Variants in KCNQ1 observed in about 807,000 individuals in gnomAD.
The protein encoded by KCNQ1 is potassium voltage-gated channel subfamily KQT member 1.
KCNQ1 carries 49 observed loss-of-function variants against 72.4 expected under a neutral mutation model. That is an observed-to-expected ratio of 0.68 (90% CI 0.54 to 0.86). The LOEUF (loss-of-function observed/expected upper bound fraction) is 0.86. KCNQ1 is among the 40% of genes least tolerant of loss of function. The pLI is 0.00. For synonymous variants in KCNQ1, 450 were observed against 412.6 expected (o/e 1.09, Z -1.10); for missense variants, 790 against 945.1 (o/e 0.84, Z 2.15).
rs536150780 is a variant in KCNQ1 at position 2,565,076 on chromosome 11, C to G, written c.478-5552C>G. On this transcript the variant is annotated intron_variant, in intron 2 of 15. Coordinates refer to ENST00000155840, the MANE Select transcript of KCNQ1 (RefSeq NM_000218.3). This position sits in a 1 kb window ranked among gnomAD's most constrained non-coding sequence, Gnocchi z 5.6. ...GTGTATGGATCTCCTTTAAAGAGAC[C>G]GGGGACAGACTCCAAAGTGGAATTG... is the stretch of plus-strand genomic sequence containing the variant. Among the ~76,000 whole-genome samples, 9 of 152,202 alleles carry G rather than the reference C, an allele frequency of 5.9e-5. No individual in the cohort carries two copies. The South Asian group carries it at 1.9e-3, about 32-fold the overall frequency.
chr11:2,628,144 A>G, intron 10 of KCNQ1: 1 of 398,592 alleles, frequency 2.5e-6, no homozygotes, highest in Non-Finnish European at 4.4e-6. Context: ...TTTTCCTTAG[A>G]TATACCCGGA....
rs1439505269 is a variant in KCNQ1, at chr11:2,678,482, CATTTA to C, written c.1514+16406_1514+16410del. 7.5e-5 allele frequency: 30 copies of C among 398,472 alleles called. No individual in the cohort carries two copies. The highest frequency in any genetic ancestry group is 4.5e-4 in the African/African-American group (22 of 48,626). The allele number at this position is 398,472 out of a possible 1,614,324, so 24.7% of individuals were successfully genotyped here. The stretch of plus-strand genomic sequence containing the variant: ...CTACCTTTATCATATTTCAAACTCT[CATTTA>C]ATTTGTGTCCATTTCTAGACTCTAT... On this transcript the variant is annotated intron_variant, in intron 11 of 15. Coordinates refer to ENST00000155840, the MANE Select transcript of KCNQ1 (RefSeq NM_000218.3). This position sits in a 1 kb window ranked among gnomAD's most constrained non-coding sequence, Gnocchi z 4.9.
In KCNQ1 at chr11:2,599,564, A is replaced by G. The variant is rs1848772889; in HGVS notation, c.1393+10710A>G. 6.6e-6 allele frequency among the ~76,000 whole-genome samples: 1 copy of G among 152,262 alleles called. No individual in the cohort carries two copies. The highest frequency in any genetic ancestry group is 2.4e-5 in the African/African-American group (1 of 41,476). ...GATGTATTAGTTTGCTAGGACTGCC[A>G]TAACAAAATACCACAGGCTGGGTGG... On this transcript the variant is annotated intron_variant, in intron 10 of 15. Coordinates refer to ENST00000155840, the MANE Select transcript of KCNQ1 (RefSeq NM_000218.3). The surrounding 1 kb of genome is among the most constrained non-coding windows in gnomAD (Gnocchi z 4.7).
chr11:2,504,233 A>G (rs1213500504), intron 1 of KCNQ1, among the ~76,000 whole-genome samples: 1 of 152,246 alleles, frequency 6.6e-6, no homozygotes, highest in Non-Finnish European at 1.5e-5. Context: ...AGGCACAGAA[A>G]GACAAACTTT....
chr11:2,459,171 G>GA (rs1429632892), intron 1 of KCNQ1, among the ~76,000 whole-genome samples: 1 of 152,198 alleles, frequency 6.6e-6, no homozygotes, highest in Non-Finnish European at 1.5e-5. Context: ...ACTGCAAAAC[G>GA]AGAGACGGAC....
intron 11 of KCNQ1, among the ~76,000 whole-genome samples, chr11:2,753,920 T>C (rs1378207769): frequency 6.6e-6 from 1 of 152,222 alleles, no homozygotes; most frequent in African/African-American, 2.4e-5. Context: ...ATTGTATATC[T>C]GATAAGGGAT....
intron 10 of KCNQ1, chr11:2,633,341 T>C (rs569465911): frequency 2.5e-6 from 1 of 398,566 alleles, no homozygotes; most frequent in African/African-American, 2.1e-5. Flanking sequence ...CTTAATAGTT[T>C]ATTATTTCCT....
chr11:2,467,492 A>G (rs1846369064), intron 1 of KCNQ1, among the ~76,000 whole-genome samples: 1 of 152,078 alleles, frequency 6.6e-6, no homozygotes, highest in African/African-American at 2.4e-5. Flanking sequence ...CCACCAGGAG[A>G]CAGATACAGC....
In KCNQ1 at chr11:2,768,963, C is replaced by A. The variant is rs770760010; in HGVS notation, c.1590+44C>A. On this transcript the variant is annotated intron_variant, in intron 12 of 15. Coordinates refer to ENST00000155840, the MANE Select transcript of KCNQ1 (RefSeq NM_000218.3). This position sits in a 1 kb window ranked among gnomAD's most constrained non-coding sequence, Gnocchi z 6.7. ...CTTCCTGCCCTCAGCCTGCCCCTCG[C>A]AGCCTGATGCAGCTGCCCACACCTC... 1.4e-6 allele frequency: 2 copies of A among 1,451,272 alleles called. No individual in the cohort carries two copies. Among genetic ancestry groups the A allele is most frequent in the Non-Finnish European group, 1.9e-6 (2 of 1,032,430 alleles). The allele number at this position is 1,451,272 out of a possible 1,614,324, so 89.9% of individuals were successfully genotyped here. A position where few individuals can be genotyped will look rare whatever the true frequency, so the allele number is the denominator to read the frequency against.
At chr11:2,630,312 T>C in intron 10 of KCNQ1, 1 of 398,328 alleles carries the variant, frequency 2.5e-6, no homozygotes, top group Non-Finnish European at 4.4e-6. Flanking sequence ...TTCAGTTTGA[T>C]CATATTTTGT....
rs149016071 is a variant in KCNQ1, at chr11:2,831,142, G to A, written c.1795-16625G>A. The stretch of plus-strand genomic sequence containing the variant: ...CCAGTATGGCTGTGAAGCCAAAGGC[G>A]GCGATCAATGGGATGTTCTCAGAAT... On this transcript the variant is annotated intron_variant, in intron 15 of 15. Transcript: ENST00000155840. 1.9e-3 allele frequency among the ~76,000 whole-genome samples: 292 copies of A among 152,328 alleles called. 2 individuals carry two copies. In the Middle Eastern group the frequency reaches 0.027, roughly 14 times the overall value.
intron 10 of KCNQ1, chr11:2,631,426 GT>G (rs760125033): frequency 2.4e-5 from 9 of 373,640 alleles, no homozygotes; most frequent in East Asian, 1.5e-4. Flanking sequence ...CAAAATGTTT[GT>G]TTTTTTTTTA....
intron 15 of KCNQ1, among the ~76,000 whole-genome samples, chr11:2,843,651 G>A (rs923692048): frequency 8.5e-5 from 13 of 152,334 alleles, no homozygotes; most frequent in Non-Finnish European, 1.2e-4. Context: ...GATCAAGGCC[G>A]GGCAGGTTCT....
intron 10 of KCNQ1, chr11:2,656,902 T>C (rs1849860550): frequency 2.5e-6 from 1 of 398,526 alleles, no homozygotes; most frequent in South Asian, 1.3e-4. Context: ...TGGTATATGA[T>C]GTGAGGTAAT....
At chr11:2,581,173 C>T in intron 6 of KCNQ1, among the ~76,000 whole-genome samples, 1 of 152,214 alleles carries the variant, frequency 6.6e-6, no homozygotes, top group Non-Finnish European at 1.5e-5. Context: ...AGGGTCCCTG[C>T]CCTGCCCAGG....
At chr11:2,591,980 G>A (rs1377114276) in intron 10 of KCNQ1, among the ~76,000 whole-genome samples, 2 of 152,242 alleles carry the variant, frequency 1.3e-5, no homozygotes, top group African/African-American at 4.8e-5. Flanking sequence ...CACTCCTGGG[G>A]AAGCCCCACA....
intron 1 of KCNQ1, among the ~76,000 whole-genome samples, chr11:2,474,058 C>T (rs1382585358): frequency 6.6e-6 from 1 of 152,198 alleles, no homozygotes; most frequent in African/African-American, 2.4e-5. Flanking sequence ...TACCGCTGGC[C>T]CAGTGGTCTC....
chr11:2,490,791 C>T (rs747287259), intron 1 of KCNQ1, among the ~76,000 whole-genome samples: 4 of 152,162 alleles, frequency 2.6e-5, no homozygotes, highest in East Asian at 3.8e-4. Flanking sequence ...CGGGTTTAAG[C>T]GATTCTCCTG....
rs530270147 is a variant in KCNQ1 at position 2,471,949 on chromosome 11, G to A, written c.386+26465G>A. 6.7e-6 allele frequency among the ~76,000 whole-genome samples: 1 copy of A among 150,248 alleles called. No homozygotes were observed. The highest frequency in any genetic ancestry group is 2.1e-4 in the South Asian group (1 of 4,722). On this transcript the variant is annotated intron_variant, in intron 1 of 15. Transcript: ENST00000155840. This position sits in a 1 kb window ranked among gnomAD's most constrained non-coding sequence, Gnocchi z 4.8. ...AGGCGTGTATGTGTGCGCGTGTGTA[G>A]GTGTGTGTTCATATATATGGGTGTG...
Sources: allele counts gnomAD v4.1 joint callset (sites outside exome capture counted in the v4.1 genomes callset), GRCh38; gene constraint gnomAD v4.1.1; non-coding constraint Gnocchi (gnomAD v3.1); transcripts MANE v1.5; gene names NCBI Gene and HGNC (gene_info 2026-07-23, HGNC 2026-07-21).